ADAMTS5: variants seen among roughly 807,000 people sequenced by gnomAD.
The protein encoded by ADAMTS5 is ADAM metallopeptidase with thrombospondin type 1 motif 5, also known as A disintegrin and metalloproteinase with thrombospondin motifs 5.
A neutral mutation model predicts 81.4 loss-of-function variants in ADAMTS5; 54 were observed. The observed-to-expected ratio is 0.66, with a 90% CI of 0.53 to 0.83. The LOEUF (loss-of-function observed/expected upper bound fraction) is 0.83, where lower values mean the gene tolerates loss of function less well. Among genes scored for constraint, ADAMTS5 ranks in the 40% least tolerant of loss-of-function variants. The pLI is 0.00. For missense variants in ADAMTS5, 1,194 were observed against 1,229.9 expected, an observed-to-expected ratio of 0.97 and a Z score of 0.44; for synonymous variants, 532 against 508.8, an observed-to-expected ratio of 1.05 and a Z score of -0.61.
Position 26,946,810 on chromosome 21 carries a change from T to G in ADAMTS5, c.1238-3263A>C, listed in dbSNP as rs201521107. On this transcript the variant is annotated intron_variant, in intron 2 of 7. Transcript: ENST00000284987. Reference sequence around the variant, plus strand: ...AACAGAGTTAGTTGAGGGTGAGGTTTTAGAGGAGGCAGGGGGATGGAATCG... The same window carrying G: ...AACAGAGTTAGTTGAGGGTGAGGTTGTAGAGGAGGCAGGGGGATGGAATCG... 1.8e-4 allele frequency among the ~76,000 whole-genome samples: 28 copies of G among 152,096 alleles called. No individual in the cohort carries two copies. In the East Asian group the frequency reaches 5.0e-3, roughly 27 times the overall value.
At chr21:26,934,841 T>C (rs1986985045) in intron 3 of ADAMTS5, 92 bp from the exon 4 acceptor site, 6 of 1,514,530 alleles carry the variant, frequency 4.0e-6, no homozygotes, top group East Asian at 2.3e-5. Context: ...CCGGCTGGTG[T>C]TGGAGCACGA....
rs747813475 is a variant in ADAMTS5 at position 26,965,358 on chromosome 21, T to C, written c.1034A>G (p.Gln345Arg). ...ATCTCCCAGCTGGTTGTGTTGGTGC[T>C]GCCACTTGCAAAAGTTCTTGAGTGT... Reference protein sequence around the residue: ...ATTLKNFCKWQHQHNQLGDDH... With the variant: ...ATTLKNFCKWRHQHNQLGDDH... The change falls in exon 1 of 8, where the codon CAG becomes CGG. Residue 345 changes from glutamine to arginine, a missense_variant. Coordinates refer to ENST00000284987, the MANE Select transcript of ADAMTS5 (RefSeq NM_007038.5). 6.2e-7 allele frequency: 1 copy of C among 1,614,142 alleles called. No individual in the cohort carries two copies. The highest frequency in any genetic ancestry group is 8.5e-7 in the Non-Finnish European group (1 of 1,180,054).
intron 2 of ADAMTS5, among the ~76,000 whole-genome samples, chr21:26,948,631 A>T (rs1365056674): frequency 1.3e-5 from 2 of 152,176 alleles, no homozygotes; most frequent in African/African-American, 4.8e-5. Flanking sequence ...CTTTACATAG[A>T]TGTGATAAAA....
rs1239481678 is a variant in ADAMTS5, at chr21:26,921,077, CAT to C, written c.*2974_*2975del. 1.3e-5 allele frequency: 2 copies of C among 152,362 alleles called. No individual in the cohort carries two copies. Among genetic ancestry groups the C allele is most frequent in the African/African-American group, 2.4e-5 (1 of 41,404 alleles). 9.4% of individuals were successfully genotyped at this position (152,362 alleles called of 1,614,324 possible). A position where few individuals can be genotyped will look rare whatever the true frequency, so the allele number is the denominator to read the frequency against. On this transcript the variant is annotated 3_prime_UTR_variant, in exon 8 of 8. Transcript: ENST00000284987. ...CATTTTAAATATAGAAAAATTTGAA[CAT>C]ATTTTTGTTAAATAAGAATAAATAA...
intron 6 of ADAMTS5, among the ~76,000 whole-genome samples, chr21:26,931,577 A>G (rs1036665416): frequency 1.4e-4 from 22 of 152,318 alleles, no homozygotes; most frequent in African/African-American, 4.6e-4. Flanking sequence ...TCAGAGGTAT[A>G]TGATCTTGAA....
chr21:26,928,520 T>C (rs1254024590), intron 7 of ADAMTS5, among the ~76,000 whole-genome samples: 1 of 152,220 alleles, frequency 6.6e-6, no homozygotes, highest in Non-Finnish European at 1.5e-5. Flanking sequence ...TAGAAGAGAA[T>C]ATGTACCATA....
chr21:26,934,372 AATAAAGCCTTC>A (rs1986970447), intron 4 of ADAMTS5, 83 bp downstream of exon 4: 15 of 1,476,146 alleles, frequency 1.0e-5, no homozygotes, highest in Non-Finnish European at 1.4e-5. Context: ...TAAATTAGAA[AATAAAGCCTTC>A]TGAGAACAGT....
At chr21:26,942,808 A>G (rs190819218) in intron 3 of ADAMTS5, among the ~76,000 whole-genome samples, 1 of 152,226 alleles carries the variant, frequency 6.6e-6, no homozygotes. Context: ...GTGTTTTCCC[A>G]TCATTCAGAT....
chr21:26,929,947 C>T lies in ADAMTS5; in HGVS notation c.2164G>A (p.Gly722Arg), dbSNP rs757271994. Residue 722 changes from glycine (G) to arginine (R), a missense_variant, in exon 7 of 8, where the codon GGA (glycine) becomes AGA (arginine). Physicochemically the swap from Gly to Arg is moderately radical, Grantham distance 125. This residue lies in a region of ADAMTS5 where 696 missense variants were observed against 817.6 expected (regional missense o/e 0.85). Transcript: ENST00000284987. ...IGSKLQYDKC[G>R]VCGGDNSSCT... is the part of the protein sequence containing the mutation. ...CTGGAGTTGTCTCCTCCACATACTCCGCACTTGTCATACTGCAGCTTTGAG... is the reference window on the plus strand; with the variant it reads ...CTGGAGTTGTCTCCTCCACATACTCTGCACTTGTCATACTGCAGCTTTGAG... The T allele has an allele frequency of 4.5e-5, 72 of 1,614,148 alleles. No individual in the cohort carries two copies. Among genetic ancestry groups the T allele is most frequent in the Admixed American group, 1.3e-4 (8 of 60,014 alleles).
At position 26,966,244 on chromosome 21, in the gene ADAMTS5, C is replaced by T. The variant is rs762861826; in HGVS notation, c.148G>A (p.Glu50Lys). ...AAQPRRRQGE[E>K]VQERAEPPGH... is the part of the protein sequence containing the mutation. ...GGAGGCTCGGCTCGCTCCTGCACCT[C>T]CTCCCCCTGCCGCCGGCGGGGCTGG... is the stretch of plus-strand genomic sequence containing the variant. Residue 50 changes from glutamate to lysine, a missense_variant, in exon 1 of 8, where the codon GAG (glutamate) becomes AAG (lysine). Transcript: ENST00000284987. The T allele has an allele frequency of 5.6e-6, 9 of 1,599,198 alleles. No homozygotes were observed. Among genetic ancestry groups the T allele is most frequent in the Admixed American group, 3.4e-5 (2 of 58,868 alleles).
intron 3 of ADAMTS5, among the ~76,000 whole-genome samples, chr21:26,940,614 T>C (rs547668510): frequency 1.4e-4 from 22 of 152,302 alleles, no homozygotes; most frequent in Middle Eastern, 3.4e-3. Flanking sequence ...TTGAGTGGCC[T>C]AGAAAATTAG....
intron 2 of ADAMTS5, among the ~76,000 whole-genome samples, chr21:26,944,238 C>A (rs996833903): frequency 3.3e-5 from 5 of 152,112 alleles, no homozygotes; most frequent in African/African-American, 1.2e-4. Context: ...AAAACATACC[C>A]ATTTACATTT....
At chr21:26,943,297 ATAT>A (rs2123186329) in intron 3 of ADAMTS5, 80 bp downstream of exon 3, 1 of 1,302,658 alleles carries the variant, frequency 7.7e-7, no homozygotes, top group South Asian at 1.5e-5. Context: ...GGCAAGATGA[ATAT>A]TATGAGGATA....
chr21:26,957,301 A>G (rs1384365347), intron 1 of ADAMTS5, among the ~76,000 whole-genome samples: 1 of 152,190 alleles, frequency 6.6e-6, no homozygotes, highest in Non-Finnish European at 1.5e-5. Context: ...TTAAATTCTG[A>G]GCAGGAGTAA....
At position 26,929,902 on chromosome 21, in the gene ADAMTS5, T is replaced by C; in HGVS notation, c.2209A>G (p.Thr737Ala). The change falls in exon 7 of 8, where the codon ACC (threonine) becomes GCC (alanine). Residue 737 changes from threonine (T) to alanine (A), a missense_variant. This residue lies in a region of ADAMTS5 where 696 missense variants were observed against 817.6 expected (regional missense o/e 0.85). Transcript: ENST00000284987. ...DNSSCTKIVG[T>A]FNKKSKGYTD... ...TCATATTACCTTTTCTTATTAAAGG[T>C]TCCAACAATCTTTGTACAGCTGGAG... 1 of 1,613,990 alleles carries C rather than the reference T, an allele frequency of 6.2e-7. No individual in the cohort carries two copies. Among genetic ancestry groups the C allele is most frequent in the South Asian group, 1.1e-5 (1 of 91,060 alleles).
chr21:26,945,117 T>G (rs909919667), intron 2 of ADAMTS5, among the ~76,000 whole-genome samples: 1 of 151,324 alleles, frequency 6.6e-6, no homozygotes, highest in African/African-American at 2.4e-5. Context: ...TTTGAGTGGT[T>G]TGTTGAGTTT....
chr21:26,954,158 G>A (rs1987374326), intron 2 of ADAMTS5: 1 of 152,032 alleles, frequency 6.6e-6, no homozygotes, highest in Non-Finnish European at 1.5e-5. Context: ...TATAGATGTA[G>A]GATTTAGATG....
rs898970598 is a variant in ADAMTS5 at position 26,922,306 on chromosome 21, T to G, written c.*1747A>C. 4 of 152,110 alleles carry G rather than the reference T, an allele frequency of 2.6e-5. No individual in the cohort carries two copies. Among genetic ancestry groups the G allele is most frequent in the African/African-American group, 9.6e-5 (4 of 41,452 alleles). 9.4% of individuals were successfully genotyped at this position (152,110 alleles called of 1,614,324 possible). On this transcript the variant is annotated 3_prime_UTR_variant, in exon 8 of 8. Coordinates refer to ENST00000284987, the MANE Select transcript of ADAMTS5 (RefSeq NM_007038.5). ...AGAAAATACTGAAAACAGCAAGACA[T>G]CTATTTTCCTGGCCCACTGAAATGA...
chr21:26,930,146 A>AT (rs1329172349), intron 6 of ADAMTS5, 85 bp from the exon 7 acceptor site: 18 of 1,397,240 alleles, frequency 1.3e-5, no homozygotes, highest in African/African-American at 4.3e-5. Context: ...CTCATTTGTG[A>AT]TTTTTTGAGT....
Sources: allele counts gnomAD v4.1 joint callset (sites outside exome capture counted in the v4.1 genomes callset), GRCh38; gene constraint gnomAD v4.1.1; regional missense constraint gnomAD v4.1.1; transcripts MANE v1.5; gene names NCBI Gene and HGNC (gene_info 2026-07-23, HGNC 2026-07-21).